COL6A5: variants seen among roughly 807,000 people sequenced by gnomAD.
COL6A5 encodes the protein collagen type VI alpha 5 chain.
In COL6A5, 48 loss-of-function variants were observed where a neutral mutation model predicts 65.6. The observed-to-expected ratio is 0.73, with a 90% confidence interval of 0.58 to 0.93. COL6A5 has a LOEUF of 0.93. Among genes scored for constraint, COL6A5 ranks in the 40% least tolerant of loss-of-function variants. The pLI, the probability that COL6A5 is intolerant of heterozygous loss-of-function variation, is 0.00. For missense variants in COL6A5, 914 were observed against 928.3 expected, an observed-to-expected ratio of 0.98 and a Z score of 0.20; for synonymous variants, 291 against 322.8, an observed-to-expected ratio of 0.90 and a Z score of 1.05.
intron 1 of COL6A5, among the ~76,000 whole-genome samples, chr3:130,369,596 A>G (rs1935475454): frequency 6.6e-6 from 1 of 152,208 alleles, no homozygotes. Context: ...ATTGCCCCAT[A>G]AAAAATACAG....
At chr3:130,401,984 T>A (rs1483644677) in intron 12 of COL6A5, 130 bp downstream of exon 12, 5 of 640,342 alleles carry the variant, frequency 7.8e-6, no homozygotes, top group Middle Eastern at 2.7e-4. Context: ...TTCATGTGAC[T>A]TTTTTGGAAT....
intron 2 of COL6A5, among the ~76,000 whole-genome samples, chr3:130,375,023 T>C (rs1218399385): frequency 2.0e-5 from 3 of 152,230 alleles, no homozygotes; most frequent in Admixed American, 1.3e-4. Context: ...CTGAGTTACC[T>C]TGAAAGAGCC....
chr3:130,444,140 A>T (rs933093371), intron 4 of COL6A5, among the ~76,000 whole-genome samples: 1 of 152,194 alleles, frequency 6.6e-6, no homozygotes, highest in Non-Finnish European at 1.5e-5. Context: ...GCTCACCAGC[A>T]GTCAGAATTT....
At chr3:130,357,964 C>T (rs112211694) in intron 1 of COL6A5, among the ~76,000 whole-genome samples, 10,561 of 151,996 alleles carry the variant, frequency 0.069, 482 homozygotes, top group Middle Eastern at 0.13. Flanking sequence ...CTGAGGCGGG[C>T]GGATCACGAG....
chr3:130,421,253 A>G (rs1404352507), intron 26 of COL6A5, 50 bp downstream of exon 26: 1 of 1,547,126 alleles, frequency 6.5e-7, no homozygotes, highest in Non-Finnish European at 8.7e-7. Flanking sequence ...CAAACTAAAT[A>G]ATACAAGAAG....
intron 1 of COL6A5, among the ~76,000 whole-genome samples, chr3:130,438,015 T>C (rs2107700375): frequency 6.6e-6 from 1 of 152,308 alleles, no homozygotes; most frequent in East Asian, 1.9e-4. Context: ...GTTTTGTTTT[T>C]GTGAGAAAAG....
At chr3:130,417,648 G>T (rs2107680912) in intron 24 of COL6A5, among the ~76,000 whole-genome samples, 1 of 131,086 alleles carries the variant, frequency 7.6e-6, no homozygotes, top group Middle Eastern at 4.3e-3. Flanking sequence ...AGATGGCTCT[G>T]TTGGGGATCG....
intron 25 of COL6A5, 27 bp from the exon 26 acceptor site, chr3:130,421,126 T>C (rs531529358): frequency 3.9e-6 from 6 of 1,547,706 alleles, no homozygotes; most frequent in Admixed American, 3.9e-5. Context: ...CTTTGAGAAA[T>C]TGAAAAAAAC....
At chr3:130,440,710 G>A in exon 3 of COL6A5, 17 of 1,613,408 alleles carry the variant, frequency 1.1e-5, no homozygotes, top group Non-Finnish European at 1.3e-5. Flanking sequence ...AGGATGACAT[G>A]GAGGAGTTAG....
chr3:130,459,881 T>C (rs1378821733), intron 5 of COL6A5, among the ~76,000 whole-genome samples: 4 of 152,126 alleles, frequency 2.6e-5, no homozygotes, highest in Non-Finnish European at 5.9e-5. Context: ...TTTATTTAAT[T>C]GCATATCCTG....
At chr3:130,450,065 G>A (rs186058310) in intron 4 of COL6A5, among the ~76,000 whole-genome samples, 7 of 152,186 alleles carry the variant, frequency 4.6e-5, no homozygotes, top group African/African-American at 1.4e-4. Context: ...GCATTGTACT[G>A]AGACAGAAGG....
At chr3:130,484,768 C>CT in exon 8 of COL6A5, 1 of 398,846 alleles carries the variant, frequency 2.5e-6, no homozygotes, top group Non-Finnish European at 4.4e-6. Context: ...CACAGATACT[C>CT]TATATGACCA....
In COL6A5 at chr3:130,388,578, A is replaced by G. The variant is rs935833100; in HGVS notation, c.1862-2A>G. ...TCTGGTCTTTTTTTTTATAACATGCAGGATGTGAAGACATGAAGGCCGACA... is the reference window on the plus strand; with the variant it reads ...TCTGGTCTTTTTTTTTATAACATGCGGGATGTGAAGACATGAAGGCCGACA... On this transcript the variant is annotated splice_acceptor_variant and NMD_transcript_variant, in intron 5 of 41. Transcript: ENST00000312481. The G allele has an allele frequency of 5.3e-6, 8 of 1,520,744 alleles. No individual in the cohort carries two copies. The highest frequency in any genetic ancestry group is 7.0e-6 in the Non-Finnish European group (8 of 1,134,930). 94.2% of individuals were successfully genotyped at this position (1,520,744 alleles called of 1,614,324 possible).
chr3:130,461,375 A>G (rs1459625757), intron 5 of COL6A5, among the ~76,000 whole-genome samples: 1 of 152,130 alleles, frequency 6.6e-6, no homozygotes, highest in East Asian at 1.9e-4. Context: ...CACAGAAGCT[A>G]CTGCTTATTG....
At chr3:130,418,380 C>G (rs1216338729) in intron 24 of COL6A5, among the ~76,000 whole-genome samples, 1 of 152,086 alleles carries the variant, frequency 6.6e-6, no homozygotes, top group Non-Finnish European at 1.5e-5. Flanking sequence ...CTTCCCTGCT[C>G]CTTTCCTTTC....
At chr3:130,436,360 T>A (rs1709035314) in intron 1 of COL6A5, among the ~76,000 whole-genome samples, 1 of 152,110 alleles carries the variant, frequency 6.6e-6, no homozygotes, top group Non-Finnish European at 1.5e-5. Context: ...TGCTACATTA[T>A]TCCAATCAGG....
At chr3:130,421,492 C>A in intron 27 of COL6A5, 132 bp downstream of exon 27, 2 of 816,970 alleles carry the variant, frequency 2.4e-6, no homozygotes, top group Non-Finnish European at 4.0e-6. Flanking sequence ...CTTGGGCTTC[C>A]TGAGGAAAGA....
At chr3:130,436,736 T>A (rs1013708446) in intron 1 of COL6A5, among the ~76,000 whole-genome samples, 1 of 152,162 alleles carries the variant, frequency 6.6e-6, no homozygotes, top group Non-Finnish European at 1.5e-5. Context: ...GTTTTTCTCT[T>A]ACCTCATTAA....
At chr3:130,403,724 C>CAA in intron 13 of COL6A5, 62 bp downstream of exon 13, 1 of 1,005,468 alleles carries the variant, frequency 9.9e-7, no homozygotes, top group Non-Finnish European at 1.4e-6. Flanking sequence ...CACACACACA[C>CAA]ACACAAACAC....
Sources: gnomAD v4.1 joint callset for allele counts (sites outside exome capture counted in the v4.1 genomes callset) on GRCh38, gnomAD v4.1.1 for gene constraint, MANE v1.5 for transcripts, NCBI Gene and HGNC (gene_info 2026-07-23, HGNC 2026-07-21) for gene names.